DIPK2A: variants seen among roughly 807,000 people sequenced by gnomAD.
The protein encoded by DIPK2A is Golgi Protein of 49 kDa.
A neutral mutation model predicts 39.0 loss-of-function variants in DIPK2A; 27 were observed. The ratio of observed to expected loss-of-function variants is 0.69; its 90% confidence interval spans 0.51 to 0.96. The LOEUF is 0.96. Among genes scored for constraint, DIPK2A ranks in the 40% least tolerant of loss-of-function variants. DIPK2A has a pLI of 0.00. For synonymous variants in DIPK2A, 298 were observed against 240.8 expected (o/e 1.24, Z -2.20); for missense variants, 528 against 571.3 (o/e 0.92, Z 0.77).
chr3:143,986,968 A>AT (rs1196643689), intron 2 of DIPK2A, among the ~76,000 whole-genome samples: 1 of 152,138 alleles, frequency 6.6e-6, no homozygotes. Flanking sequence ...TGACAGCCAT[A>AT]TATTAGGTTG....
chr3:143,976,760 TA>T (rs1028612080), intron 1 of DIPK2A, among the ~76,000 whole-genome samples: 3 of 152,106 alleles, frequency 2.0e-5, no homozygotes, highest in African/African-American at 7.2e-5. Context: ...ATCATGGTTT[TA>T]ATAGGATTTA....
At chr3:143,986,810 C>T (rs1425974539) in intron 2 of DIPK2A, among the ~76,000 whole-genome samples, 1 of 151,210 alleles carries the variant, frequency 6.6e-6, no homozygotes, top group Non-Finnish European at 1.5e-5. Context: ...AGGTCTAGAA[C>T]CAATTCAGTT....
At chr3:143,973,443 G>A in intron 1 of DIPK2A, 1 of 1,551,238 alleles carries the variant, frequency 6.4e-7, no homozygotes, top group Non-Finnish European at 8.7e-7. Context: ...TGGCGCTGGT[G>A]GCTGGCCTAA....
chr3:143,992,069 A>AG lies in DIPK2A; in HGVS notation c.*2231dup, dbSNP rs1473036265. ...AAAAGAATTAGGAATTTAAAATTAC[A>AG]GGGAAAAATATGTAAGTGAAAAGCA... On this transcript the variant is annotated 3_prime_UTR_variant, in exon 3 of 3. Coordinates refer to ENST00000315691, the MANE Select transcript of DIPK2A (RefSeq NM_173552.5). 1.3e-5 allele frequency: 2 copies of AG among 152,660 alleles called. No individual in the cohort carries two copies. The highest frequency in any genetic ancestry group is 1.3e-4 in the Admixed American group (2 of 15,288). 9.5% of individuals were successfully genotyped at this position (152,660 alleles called of 1,614,324 possible). A position where few individuals can be genotyped will look rare whatever the true frequency, so the allele number is the denominator to read the frequency against.
rs1210836371 is a variant in DIPK2A at position 143,990,571 on chromosome 3, C to T, written c.*730C>T. On this transcript the variant is annotated 3_prime_UTR_variant, in exon 3 of 3. Transcript: ENST00000315691. ...CTCTATGCCAATAATTAGAAGTGTA[C>T]ACTAAACATGAAGTTTGGCATATGT... 6.6e-6 allele frequency: 1 copy of T among 152,236 alleles called. No homozygotes were observed. The highest frequency in any genetic ancestry group is 2.4e-5 in the African/African-American group (1 of 41,318). The allele number at this position is 152,236 out of a possible 1,614,324, so 9.4% of individuals were successfully genotyped here.
chr3:143,985,589 C>G lies in DIPK2A; in HGVS notation c.704C>G (p.Ala235Gly). 6.2e-7 allele frequency: 1 copy of G among 1,614,066 alleles called. No individual in the cohort carries two copies. The highest frequency in any genetic ancestry group is 1.7e-5 in the Admixed American group (1 of 60,020). ...TGGCCATTTGCAAAGTATCTTGGAG[C>G]TTGTGGAAGAATGGTGGCTGTAAAT... is the stretch of plus-strand genomic sequence containing the variant. ...EGWPFAKYLGACGRMVAVNYV... is the reference protein window; with the variant it reads ...EGWPFAKYLGGCGRMVAVNYV... Residue 235 changes from alanine (A) to glycine (G), a missense_variant, in exon 2 of 3, where the codon GCT (alanine) becomes GGT (glycine). This residue lies in a region of DIPK2A where 219 missense variants were observed against 281.5 expected (regional missense o/e 0.78). Coordinates refer to ENST00000315691, the MANE Select transcript of DIPK2A (RefSeq NM_173552.5).
In DIPK2A at chr3:143,991,631, G is replaced by A. The variant is rs773251611; in HGVS notation, c.*1790G>A. On this transcript the variant is annotated 3_prime_UTR_variant, in exon 3 of 3. Transcript: ENST00000315691. ...GCATTCGGTTAATTTTTACACATTA[G>A]TGCATTGCGTATATCAACTGGCCCT... is the stretch of plus-strand genomic sequence containing the variant. 6.6e-6 allele frequency: 1 copy of A among 152,588 alleles called. No individual in the cohort carries two copies. The highest frequency in any genetic ancestry group is 6.5e-5 in the Admixed American group (1 of 15,290). 9.5% of individuals were successfully genotyped at this position (152,588 alleles called of 1,614,324 possible).
intron 2 of DIPK2A, among the ~76,000 whole-genome samples, chr3:143,986,816 C>T (rs2087908717): frequency 6.6e-6 from 1 of 151,674 alleles, no homozygotes; most frequent in East Asian, 1.9e-4. Flanking sequence ...AGAACCAATT[C>T]AGTTAGCAAA....
chr3:143,974,391 T>A lies in DIPK2A; in HGVS notation c.657+1402T>A, dbSNP rs114724966. On this transcript the variant is annotated intron_variant, in intron 1 of 2. Transcript: ENST00000315691. ...TTTAAATACTGCTGTATCACCTAAC[T>A]GAATGGATGCATAAAACTGGTTAAA... is the stretch of plus-strand genomic sequence containing the variant. Among the ~76,000 whole-genome samples, 498 of 152,344 alleles carry A rather than the reference T, an allele frequency of 3.3e-3. 2 individuals carry two copies. The highest frequency in any genetic ancestry group is 0.011 in the African/African-American group (469 of 41,592).
chr3:143,985,920 T>G, intron 2 of DIPK2A, 74 bp downstream of exon 2: 1 of 1,280,594 alleles, frequency 7.8e-7, no homozygotes, highest in Non-Finnish European at 1.1e-6. Context: ...TTGTATGAAA[T>G]GAGCCTTGAA....
chr3:143,987,100 A>C (rs980639504), intron 2 of DIPK2A, among the ~76,000 whole-genome samples: 1 of 152,216 alleles, frequency 6.6e-6, no homozygotes, highest in South Asian at 2.1e-4. Flanking sequence ...TGCCATGTAG[A>C]TCCTCCTACA....
intron 1 of DIPK2A, among the ~76,000 whole-genome samples, chr3:143,983,251 C>T (rs1001007930): frequency 3.3e-5 from 5 of 152,158 alleles, no homozygotes; most frequent in African/African-American, 1.2e-4. Flanking sequence ...AACTCTCCAC[C>T]CCAAATCAAC....
intron 1 of DIPK2A, among the ~76,000 whole-genome samples, chr3:143,979,727 A>G (rs2087801342): frequency 6.6e-6 from 1 of 152,110 alleles, no homozygotes; most frequent in Non-Finnish European, 1.5e-5. Flanking sequence ...TTCTTAAGCA[A>G]TTTATTCTAA....
At chr3:143,978,624 A>ATATATATATATATC (rs2087769809) in intron 1 of DIPK2A, 1 of 32,596 alleles carries the variant, frequency 3.1e-5, no homozygotes, top group African/African-American at 3.2e-4. Flanking sequence ...ATCTATATCT[A>ATATATATATATATC]TATATATATA....
chr3:143,988,375 C>T (rs953179030), intron 2 of DIPK2A, among the ~76,000 whole-genome samples: 3 of 152,162 alleles, frequency 2.0e-5, no homozygotes, highest in African/African-American at 7.2e-5. Context: ...GCTGGGATTA[C>T]AGATGTGAGC....
intron 1 of DIPK2A, among the ~76,000 whole-genome samples, chr3:143,983,974 A>G (rs77761953): frequency 0.043 from 6,483 of 152,262 alleles, 193 homozygotes; most frequent in Non-Finnish European, 0.065. Context: ...ATAATTTGCT[A>G]TGGTTTCTGT....
intron 1 of DIPK2A, among the ~76,000 whole-genome samples, chr3:143,976,551 TGTGTGAGA>T (rs1205911055): frequency 1.0e-5 from 1 of 96,568 alleles, no homozygotes; most frequent in Non-Finnish European, 2.1e-5. Context: ...TGTGTGTGTG[TGTGTGAGA>T]GAGAGAGAGA....
chr3:143,980,881 T>G (rs1429134788), intron 1 of DIPK2A, among the ~76,000 whole-genome samples: 1 of 152,180 alleles, frequency 6.6e-6, no homozygotes, highest in Non-Finnish European at 1.5e-5. Context: ...ATATTTTATA[T>G]TGTATAAAAG....
chr3:143,974,903 T>C lies in DIPK2A; in HGVS notation c.657+1914T>C, dbSNP rs1346433616. The stretch of plus-strand genomic sequence containing the variant: ...TTATATTTTTTTAAGTTTGAACTTC[T>C]CATGGCATTCTCAGTTTACTTTGTA... On this transcript the variant is annotated intron_variant, in intron 1 of 2. Transcript: ENST00000315691. Among the ~76,000 whole-genome samples the C allele has an allele frequency of 2.0e-5, 3 of 152,318 alleles. No individual in the cohort carries two copies. In the East Asian group the frequency reaches 5.8e-4, roughly 29 times the overall value.
Sources: gnomAD v4.1 joint callset for allele counts (sites outside exome capture counted in the v4.1 genomes callset) on GRCh38, gnomAD v4.1.1 for gene constraint, gnomAD v4.1.1 regional missense constraint, MANE v1.5 for transcripts, NCBI Gene and HGNC (gene_info 2026-07-23, HGNC 2026-07-21) for gene names.